Variants in CACNB2 observed in about 807,000 individuals in gnomAD.
CACNB2 encodes voltage-dependent L-type calcium channel subunit beta-2.
CACNB2 carries 42 observed loss-of-function variants against 73.3 expected under a neutral mutation model. That is an observed-to-expected ratio of 0.57 (90% CI 0.45 to 0.74). CACNB2 has a LOEUF of 0.74. CACNB2 is among the 30% of genes least tolerant of loss of function. CACNB2 has a pLI of 0.00. For missense variants in CACNB2, 940 were observed against 853.0 expected, an observed-to-expected ratio of 1.10 and a Z score of -1.27; for synonymous variants, 348 against 310.3, an observed-to-expected ratio of 1.12 and a Z score of -1.28.
At chr10:18,379,629 T>C (rs1332813921) in intron 2 of CACNB2, among the ~76,000 whole-genome samples, 2 of 152,168 alleles carry the variant, frequency 1.3e-5, no homozygotes, top group Non-Finnish European at 2.9e-5. Context: ...TGAAACTCTG[T>C]GCCCATTAAG....
chr10:18,167,529 C>A (rs778062669), intron 2 of CACNB2, among the ~76,000 whole-genome samples: 6 of 152,138 alleles, frequency 3.9e-5, no homozygotes, highest in Admixed American at 1.3e-4. Context: ...GGAAAATGTT[C>A]ACCAGTTTCC....
At chr10:18,236,412 T>A (rs1438715259) in intron 2 of CACNB2, among the ~76,000 whole-genome samples, 2 of 151,988 alleles carry the variant, frequency 1.3e-5, no homozygotes, top group Non-Finnish European at 2.9e-5. Flanking sequence ...AAAAAACAGG[T>A]GAGGTAGAGA....
intron 3 of CACNB2, among the ~76,000 whole-genome samples, chr10:18,437,453 G>A (rs1309280700): frequency 6.6e-6 from 1 of 152,116 alleles, no homozygotes; most frequent in African/African-American, 2.4e-5. Context: ...ATAAAAGGTT[G>A]GTTAACACAT....
intron 3 of CACNB2, among the ~76,000 whole-genome samples, chr10:18,475,179 T>G (rs542072165): frequency 6.6e-6 from 1 of 151,938 alleles, no homozygotes; most frequent in Non-Finnish European, 1.5e-5. Context: ...AGCACGGCCC[T>G]GGGGTCACAC....
chr10:18,142,183 G>A (rs920363628), intron 1 of CACNB2, among the ~76,000 whole-genome samples: 1 of 152,162 alleles, frequency 6.6e-6, no homozygotes, highest in Admixed American at 6.5e-5. Flanking sequence ...TTTTACCATT[G>A]GGAAATTAAT....
At chr10:18,224,672 G>A (rs1243874776) in intron 2 of CACNB2, among the ~76,000 whole-genome samples, 5 of 152,132 alleles carry the variant, frequency 3.3e-5, no homozygotes, top group Non-Finnish European at 7.4e-5. Context: ...TTATGCTTGG[G>A]AACAGAAGGC....
chr10:18,408,255 T>TC (rs2044406415), intron 3 of CACNB2, among the ~76,000 whole-genome samples: 1 of 118,544 alleles, frequency 8.4e-6, no homozygotes, highest in Non-Finnish European at 1.7e-5. Context: ...TTTTTTTTTT[T>TC]TGAGATGGAG....
In CACNB2 at chr10:18,369,999, G is replaced by C. The variant is rs936466072; in HGVS notation, c.214-31925G>C. Among the ~76,000 whole-genome samples the C allele has an allele frequency of 5.3e-5, 8 of 152,312 alleles. No homozygotes were observed. In the South Asian group the frequency reaches 6.2e-4, roughly 12 times the overall value. ...TGATAAATGACCTGCCAACCTCCCA[G>C]TTCTGGAAGTCTTTTGTCCTGCTTT... On this transcript the variant is annotated intron_variant, in intron 2 of 13. Transcript: ENST00000324631.
intron 3 of CACNB2, among the ~76,000 whole-genome samples, chr10:18,497,463 G>A (rs560483011): frequency 6.6e-6 from 1 of 151,852 alleles, no homozygotes; most frequent in African/African-American, 2.4e-5. Flanking sequence ...TTTGTCCCCC[G>A]GGCTGGAGTG....
intron 3 of CACNB2, among the ~76,000 whole-genome samples, chr10:18,464,418 T>TAAAATATAAAAAAAAAAAAAAAAA (rs1554824204): frequency 1.2e-5 from 1 of 85,298 alleles, no homozygotes; most frequent in Non-Finnish European, 2.3e-5. Flanking sequence ...TCTCAAAAAT[T>TAAAATATAAAAAAAAAAAAAAAAA]AAAAAAAAAA....
At chr10:18,343,509 T>C (rs2041317004) in intron 2 of CACNB2, among the ~76,000 whole-genome samples, 1 of 152,174 alleles carries the variant, frequency 6.6e-6, no homozygotes, top group South Asian at 2.1e-4. Context: ...TGTTTCAAGA[T>C]ACTTGTGAGA....
At chr10:18,143,302 G>A (rs2030618757) in intron 1 of CACNB2, among the ~76,000 whole-genome samples, 2 of 152,240 alleles carry the variant, frequency 1.3e-5, no homozygotes, top group Non-Finnish European at 2.9e-5. Flanking sequence ...CCAGGCAGCA[G>A]ACAGATGTAA....
intron 2 of CACNB2, among the ~76,000 whole-genome samples, chr10:18,242,828 C>CAA (rs10556493): frequency 7.0e-6 from 1 of 143,562 alleles, no homozygotes; most frequent in Non-Finnish European, 1.5e-5. Context: ...ACTAAAAATG[C>CAA]AAAAAAAAAA....
At chr10:18,353,673 G>A (rs1366407291) in intron 2 of CACNB2, among the ~76,000 whole-genome samples, 1 of 152,116 alleles carries the variant, frequency 6.6e-6, no homozygotes, top group Non-Finnish European at 1.5e-5. Flanking sequence ...TATTCCAGGG[G>A]TTATGAACTA....
chr10:18,223,513 G>A (rs180849379), intron 2 of CACNB2, among the ~76,000 whole-genome samples: 24 of 152,178 alleles, frequency 1.6e-4, no homozygotes, highest in Non-Finnish European at 8.8e-5. Flanking sequence ...AGGAGCAATC[G>A]TTATAGTAAA....
At chr10:18,466,692 A>C (rs2047907170) in intron 3 of CACNB2, among the ~76,000 whole-genome samples, 2 of 152,178 alleles carry the variant, frequency 1.3e-5, no homozygotes, top group Non-Finnish European at 2.9e-5. Flanking sequence ...TCACACTTTA[A>C]TGGGACTTCA....
intron 3 of CACNB2, among the ~76,000 whole-genome samples, chr10:18,413,300 T>C (rs1300839617): frequency 1.3e-5 from 2 of 152,216 alleles, no homozygotes; most frequent in African/African-American, 4.8e-5. Flanking sequence ...GGGACCTTTA[T>C]GTGCATTTTC....
At chr10:18,190,960 G>A (rs954745951) in intron 2 of CACNB2, among the ~76,000 whole-genome samples, 12 of 152,228 alleles carry the variant, frequency 7.9e-5, no homozygotes, top group Non-Finnish European at 1.6e-4. Flanking sequence ...ATTAGATTTG[G>A]TTTTGAAAGA....
chr10:18,195,670 C>G (rs1256634390), intron 2 of CACNB2, among the ~76,000 whole-genome samples: 3 of 152,212 alleles, frequency 2.0e-5, no homozygotes, highest in Admixed American at 2.0e-4. Flanking sequence ...CGGTGCCTGA[C>G]CAGGCAGAGA....
Sources: gnomAD v4.1 joint callset for allele counts (sites outside exome capture counted in the v4.1 genomes callset) on GRCh38, gnomAD v4.1.1 for gene constraint, MANE v1.5 for transcripts, NCBI Gene and HGNC (gene_info 2026-07-23, HGNC 2026-07-21) for gene names.